The following BIRC6 variants were observed in gnomAD, a reference collection of about 807,000 sequenced individuals.
BIRC6 encodes the protein dual E2 ubiquitin-conjugating enzyme/E3 ubiquitin-protein ligase BIRC6.
BIRC6 carries 98 observed loss-of-function variants against 503.3 expected under a neutral mutation model. The ratio of observed to expected loss-of-function variants is 0.19; its 90% CI spans 0.17 to 0.23. The LOEUF (loss-of-function observed/expected upper bound fraction) is 0.23, where lower values mean the gene tolerates loss of function less well. Ranked by LOEUF, BIRC6 falls within the 10% of genes least tolerant of loss-of-function variation. The pLI, the probability that BIRC6 is intolerant of heterozygous loss-of-function variation, is 1.00. For missense variants in BIRC6, 5,360 were observed against 5,806.0 expected, an observed-to-expected ratio of 0.92 and a Z score of 2.50; for synonymous variants, 2,240 against 2,078.7, an observed-to-expected ratio of 1.08 and a Z score of -2.11.
At chr2:32,375,505 C>A (rs1053635306) in intron 1 of BIRC6, among the ~76,000 whole-genome samples, 1 of 151,614 alleles carries the variant, frequency 6.6e-6, no homozygotes, top group East Asian at 1.9e-4. Context: ...AAAAAACCCC[C>A]AAAAAACTCC....
chr2:32,482,314 A>T, intron 38 of BIRC6, 115 bp from the exon 39 acceptor site: 1 of 1,039,974 alleles, frequency 9.6e-7, no homozygotes, highest in Non-Finnish European at 1.4e-6. Context: ...TGGGAAATTT[A>T]AAGGGTGGAT....
Position 32,439,472 on chromosome 2 carries a change from T to A in BIRC6, c.3632-36T>A, listed in dbSNP as rs1416419268. ...GAAAAACAGTGGAATTTATTGGTGA[T>A]TCAGTTATTTTCCCCATTCTACTCC... is the stretch of plus-strand genomic sequence containing the variant. On this transcript the variant is annotated intron_variant, in intron 15 of 73. Coordinates refer to ENST00000421745, the MANE Select transcript of BIRC6 (RefSeq NM_016252.4). 3.8e-6 allele frequency: 6 copies of A among 1,568,920 alleles called. No individual in the cohort carries two copies. In the Admixed American group the frequency reaches 5.3e-5, roughly 14 times the overall value.
chr2:32,419,725 A>C (rs1156294665), intron 10 of BIRC6, among the ~76,000 whole-genome samples: 1 of 152,194 alleles, frequency 6.6e-6, no homozygotes, highest in African/African-American at 2.4e-5. Flanking sequence ...AACAACATAA[A>C]GCCTATATAC....
In BIRC6 at chr2:32,501,722, G is replaced by T; in HGVS notation, c.9041G>T (p.Gly3014Val). The T allele has an allele frequency of 6.2e-7, 1 of 1,609,716 alleles. No individual in the cohort carries two copies. The highest frequency in any genetic ancestry group is 1.1e-5 in the South Asian group (1 of 90,248). Reference protein sequence around the residue: ...SAMAMIIGASGLHLTKHENFH... With the variant: ...SAMAMIIGASVLHLTKHENFH... ...CTTTTATTTTTCTTAGGAGCAAGTG[G>T]ATTACATCTCACTAAACATGAAAAC... The change falls in exon 47 of 74, where the codon GGA becomes GTA. Residue 3014 changes from glycine (G) to valine (V), a missense_variant. Coordinates refer to ENST00000421745, the MANE Select transcript of BIRC6 (RefSeq NM_016252.4).
intron 2 of BIRC6, 143 bp from the exon 3 acceptor site, chr2:32,380,010 T>G: frequency 2.0e-6 from 1 of 488,370 alleles, no homozygotes; most frequent in Non-Finnish European, 3.4e-6. Context: ...TTTAATTAAG[T>G]AGATTTGTTA....
chr2:32,572,535 A>G (rs879428720), intron 65 of BIRC6, among the ~76,000 whole-genome samples: 10 of 152,220 alleles, frequency 6.6e-5, no homozygotes, highest in Admixed American at 3.3e-4. Flanking sequence ...TTGCGCTTTT[A>G]CCTATATGTG....
At chr2:32,456,545 CAGTA>C (rs1012890800) in intron 23 of BIRC6, among the ~76,000 whole-genome samples, 1 of 152,186 alleles carries the variant, frequency 6.6e-6, no homozygotes, top group African/African-American at 2.4e-5. Context: ...TATTCAGCTT[CAGTA>C]AGTAAGTAAC....
intron 10 of BIRC6, among the ~76,000 whole-genome samples, chr2:32,427,477 G>A (rs974928314): frequency 1.3e-5 from 2 of 151,976 alleles, no homozygotes; most frequent in African/African-American, 4.8e-5. Flanking sequence ...GTAGAGATGG[G>A]GTTTCACCAT....
intron 65 of BIRC6, among the ~76,000 whole-genome samples, chr2:32,572,070 A>G (rs2059951207): frequency 6.6e-6 from 1 of 152,028 alleles, no homozygotes; most frequent in South Asian, 2.1e-4. Flanking sequence ...GCTTTATTCC[A>G]CTGTGGTCTT....
intron 67 of BIRC6, among the ~76,000 whole-genome samples, chr2:32,594,721 T>TGGATGGATGGAC (rs2061575631): frequency 1.3e-5 from 2 of 151,874 alleles, no homozygotes; most frequent in South Asian, 4.2e-4. Flanking sequence ...GATGGATGGA[T>TGGATGGATGGAC]GGATGGATGG....
chr2:32,531,634 G>A, intron 61 of BIRC6, 83 bp downstream of exon 61: 1 of 1,207,980 alleles, frequency 8.3e-7, no homozygotes, highest in Non-Finnish European at 1.1e-6. Flanking sequence ...TAATGTACTT[G>A]GATTAACTTT....
Position 32,543,429 on chromosome 2 carries a change from T to C in BIRC6, c.12480T>C (p.Ala4160=). 1 of 1,614,048 alleles carries C rather than the reference T, an allele frequency of 6.2e-7. No homozygotes were observed. The highest frequency in any genetic ancestry group is 8.5e-7 in the Non-Finnish European group (1 of 1,179,904). ...MSPIPAHSLA[A]FGLFLRLPGY... Reference sequence around the variant, plus strand: ...CCATACCTGCCCATTCTTTGGCTGCTTTTGGATTATTTCTTCGTCTTCCGG... The same window carrying C: ...CCATACCTGCCCATTCTTTGGCTGCCTTTGGATTATTTCTTCGTCTTCCGG... Residue 4160 remains alanine (A), a synonymous_variant, in exon 62 of 74, where the codon GCT becomes GCC. Coordinates refer to ENST00000421745, the MANE Select transcript of BIRC6 (RefSeq NM_016252.4).
intron 11 of BIRC6, 39 bp from the exon 12 acceptor site, chr2:32,430,826 T>A: frequency 1.1e-6 from 1 of 939,268 alleles, no homozygotes; most frequent in Non-Finnish European, 1.6e-6. Context: ...TTTTTTTTTT[T>A]CCACACCTAT....
At chr2:32,562,308 G>C (rs1221064142) in intron 65 of BIRC6, among the ~76,000 whole-genome samples, 1 of 152,014 alleles carries the variant, frequency 6.6e-6, no homozygotes, top group East Asian at 1.9e-4. Context: ...TATCTAAATT[G>C]CTGTTGAGTA....
At chr2:32,605,841 G>C (rs1053454732) in intron 71 of BIRC6, among the ~76,000 whole-genome samples, 1 of 152,074 alleles carries the variant, frequency 6.6e-6, no homozygotes, top group Non-Finnish European at 1.5e-5. Context: ...CTGGGCAACA[G>C]AGCAAGACAC....
At chr2:32,491,318 A>G (rs1055190042) in intron 43 of BIRC6, 107 bp from the exon 44 acceptor site, 4 of 1,116,740 alleles carry the variant, frequency 3.6e-6, no homozygotes, top group Non-Finnish European at 3.7e-6. Context: ...AACTGTAATT[A>G]CTAGGAATGT....
In BIRC6 at chr2:32,390,319, C is replaced by T. The variant is rs142976656; in HGVS notation, c.839+1376C>T. Among the ~76,000 whole-genome samples the T allele has an allele frequency of 5.6e-3, 847 of 152,194 alleles. 9 individuals carry two copies. Among genetic ancestry groups the T allele is most frequent in the African/African-American group, 0.019 (789 of 41,524 alleles). ...CCGAGTAGCTGTGACTACAGGTGCC[C>T]GCCACCATGCCCAGCTAATTTTTTG... is the stretch of plus-strand genomic sequence containing the variant. On this transcript the variant is annotated intron_variant, in intron 4 of 73. Transcript: ENST00000421745.
intron 15 of BIRC6, among the ~76,000 whole-genome samples, 160 bp from the exon 16 acceptor site, chr2:32,439,348 A>G (rs554282093): frequency 3.3e-4 from 50 of 152,136 alleles, no homozygotes; most frequent in Non-Finnish European, 6.5e-4. Flanking sequence ...ACAGCGTGTG[A>G]AGGTGGTTCA....
At chr2:32,474,725 A>T (rs768982389) in intron 33 of BIRC6, among the ~76,000 whole-genome samples, 1 of 152,092 alleles carries the variant, frequency 6.6e-6, no homozygotes, top group Non-Finnish European at 1.5e-5. Context: ...ATTAAAAATG[A>T]TTTTTTTCTT....
Sources: allele counts gnomAD v4.1 joint callset (sites outside exome capture counted in the v4.1 genomes callset), GRCh38; gene constraint gnomAD v4.1.1; transcripts MANE v1.5; gene names NCBI Gene and HGNC (gene_info 2026-07-23, HGNC 2026-07-21).